The following MROH2A variants were observed in gnomAD, a reference collection of about 807,000 sequenced individuals.
MROH2A encodes the protein maestro heat like repeat family member 2A.
A neutral mutation model predicts 200.4 loss-of-function variants in MROH2A; 174 were observed. The ratio of observed to expected loss-of-function variants is 0.87; its 90% confidence interval spans 0.77 to 0.98. MROH2A has a LOEUF of 0.98. MROH2A is among the 50% of genes least tolerant of loss of function. The pLI is 0.00. For synonymous variants in MROH2A, 829 were observed against 840.4 expected (o/e 0.99, Z 0.23); for missense variants, 2,045 against 2,139.6 (o/e 0.96, Z 0.87).
intron 3 of MROH2A, among the ~76,000 whole-genome samples, chr2:233,787,980 TTATATATACATATATTA>T (rs1559437493): frequency 4.2e-4 from 22 of 52,104 alleles, no homozygotes; most frequent in South Asian, 5.5e-4. Context: ...TACATATATA[TTATATATACATATATTA>T]TATATATACA....
intron 35 of MROH2A, among the ~76,000 whole-genome samples, chr2:233,824,570 G>A (rs1704177538): frequency 6.6e-6 from 1 of 152,242 alleles, no homozygotes; most frequent in African/African-American, 2.4e-5. Context: ...GCCAGGCGCA[G>A]GTGCTGGAAT....
At position 233,828,483 on chromosome 2, in the gene MROH2A, T is replaced by TA. The variant is rs1704472022; in HGVS notation, c.4114-147_4114-146insA. On this transcript the variant is annotated intron_variant, in intron 35 of 41. Coordinates refer to ENST00000389758, the MANE Select transcript of MROH2A (RefSeq NM_001394639.1). The surrounding 1 kb of genome is among the most constrained non-coding windows in gnomAD (Gnocchi z 4.6). ...AGGCAGGTACTAGCATCACCCGCTT[T>TA]TTATAGAGAGGAAACGGAGGCTCTC... 2 of 990,960 alleles carry TA rather than the reference T, an allele frequency of 2.0e-6. No homozygotes were observed. Among genetic ancestry groups the TA allele is most frequent in the Non-Finnish European group, 2.9e-6 (2 of 682,452 alleles). The allele number at this position is 990,960 out of a possible 1,614,324, so 61.4% of individuals were successfully genotyped here. A position where few individuals can be genotyped will look rare whatever the true frequency, so the allele number is the denominator to read the frequency against.
chr2:233,825,632 A>G (rs180688822), intron 35 of MROH2A, among the ~76,000 whole-genome samples: 1 of 152,322 alleles, frequency 6.6e-6, no homozygotes, highest in Admixed American at 6.5e-5. Context: ...TGATTTACAT[A>G]TGTTGAACTA....
At chr2:233,808,138 G>A (rs1398331592) in intron 21 of MROH2A, among the ~76,000 whole-genome samples, 1 of 152,176 alleles carries the variant, frequency 6.6e-6, no homozygotes, top group African/African-American at 2.4e-5. Flanking sequence ...GGCAGTGGGG[G>A]CTCCCTGGGT....
chr2:233,804,018 G>C (rs1702638107), intron 16 of MROH2A, 33 bp from the exon 17 acceptor site: 1 of 1,547,072 alleles, frequency 6.5e-7, no homozygotes, highest in African/African-American at 1.4e-5. Flanking sequence ...AGGTGCTCAG[G>C]TGCTACTTCA....
chr2:233,804,666 C>T, intron 18 of MROH2A, 119 bp downstream of exon 18: 1 of 887,450 alleles, frequency 1.1e-6, no homozygotes, highest in Non-Finnish European at 1.8e-6. Flanking sequence ...ACATGTTCTC[C>T]TTCTGTCAGA....
In MROH2A at chr2:233,797,806, C is replaced by G. The variant is rs922235947; in HGVS notation, c.1253-968C>G. On this transcript the variant is annotated intron_variant, in intron 11 of 41. Coordinates refer to ENST00000389758, the MANE Select transcript of MROH2A (RefSeq NM_001394639.1). ...ATGTCCATGTGTTCTCACTGTTCAACTCCCACTTATGAGTGAGAACATGCA... is the reference window on the plus strand; with the variant it reads ...ATGTCCATGTGTTCTCACTGTTCAAGTCCCACTTATGAGTGAGAACATGCA... Among the ~76,000 whole-genome samples, 8 of 152,282 alleles carry G rather than the reference C, an allele frequency of 5.3e-5. No homozygotes were observed. In the East Asian group the frequency reaches 1.5e-3, roughly 29 times the overall value.
rs968348559 is a variant in MROH2A, at chr2:233,788,750, A to G, written c.277-747A>G. 6.6e-5 allele frequency among the ~76,000 whole-genome samples: 10 copies of G among 151,914 alleles called. No homozygotes were observed. The South Asian group carries it at 1.7e-3, about 25-fold the overall frequency. ...CAGGAGATGGAGACCATCTTGGCTA[A>G]CACGGTGAAACCCCGTCTCTACTAA... On this transcript the variant is annotated intron_variant, in intron 3 of 41. Coordinates refer to ENST00000389758, the MANE Select transcript of MROH2A (RefSeq NM_001394639.1).
intron 15 of MROH2A, 27 bp downstream of exon 15, chr2:233,802,342 T>C: frequency 6.5e-7 from 1 of 1,538,098 alleles, no homozygotes; most frequent in Non-Finnish European, 8.8e-7. Flanking sequence ...TCCAGCTGAT[T>C]GGATTGGGCA....
At chr2:233,794,237 A>G in intron 7 of MROH2A, 126 bp from the exon 8 acceptor site, 1 of 709,182 alleles carries the variant, frequency 1.4e-6, no homozygotes, top group Non-Finnish European at 2.4e-6. Flanking sequence ...TGTGCAGGAA[A>G]GACCTTGCTC....
intron 19 of MROH2A, among the ~76,000 whole-genome samples, chr2:233,805,601 A>C (rs1702741090): frequency 6.6e-6 from 1 of 151,946 alleles, no homozygotes; most frequent in Non-Finnish European, 1.5e-5. Flanking sequence ...TAGCCAACAA[A>C]ATTATGAGAA....
intron 26 of MROH2A, 38 bp downstream of exon 26, chr2:233,814,715 C>T: frequency 2.1e-6 from 3 of 1,413,600 alleles, no homozygotes; most frequent in South Asian, 1.2e-5. Flanking sequence ...CAGGGATGGC[C>T]ACTCCTCCCC....
chr2:233,810,941 G>T, intron 23 of MROH2A, 25 bp downstream of exon 23: 1 of 1,548,220 alleles, frequency 6.5e-7, no homozygotes, highest in South Asian at 1.2e-5. Flanking sequence ...GCACCTCCTT[G>T]GTCCTGTTCC....
chr2:233,823,621 ACTC>A lies in MROH2A; in HGVS notation c.4071_4073del (p.Asp1357_Ser1358delinsGlu), dbSNP rs762385004. 1.9e-5 allele frequency: 29 copies of A among 1,550,272 alleles called. 1 individual carries two copies. The South Asian group carries it at 3.5e-4, about 18-fold the overall frequency. On this transcript the variant is annotated inframe_deletion, in exon 35 of 42. Coordinates refer to ENST00000389758, the MANE Select transcript of MROH2A (RefSeq NM_001394639.1). ...GCCGAGCTGGTGCTCAGGGGCATGG[ACTC>A]AGAAGTCCTGAGCTGCCGCATCAGC... is the stretch of plus-strand genomic sequence containing the variant.
intron 5 of MROH2A, among the ~76,000 whole-genome samples, chr2:233,790,489 CTCCT>C (rs1383163567): frequency 9.0e-5 from 3 of 33,200 alleles, no homozygotes; most frequent in Non-Finnish European, 1.5e-4. Context: ...TCCTCCCTCC[CTCCT>C]TCCTTCCTTT....
At chr2:233,817,665 T>A (rs995161205) in intron 27 of MROH2A, among the ~76,000 whole-genome samples, 1 of 152,240 alleles carries the variant, frequency 6.6e-6, no homozygotes, top group African/African-American at 2.4e-5. Context: ...CTGCCTGGAC[T>A]GCTCAGCTAG....
intron 12 of MROH2A, 55 bp from the exon 13 acceptor site, chr2:233,799,725 G>T: frequency 1.3e-6 from 2 of 1,546,258 alleles, no homozygotes; most frequent in South Asian, 2.4e-5. Flanking sequence ...TCACAGGATT[G>T]GGTGCCTTGG....
chr2:233,793,002 A>G (rs1404495915), intron 6 of MROH2A, 108 bp downstream of exon 6: 2 of 1,077,594 alleles, frequency 1.9e-6, no homozygotes, highest in Non-Finnish European at 2.7e-6. Flanking sequence ...TGCACTGTTC[A>G]CTTGTTCTCC....
chr2:233,792,256 T>C (rs1437820675), intron 5 of MROH2A, among the ~76,000 whole-genome samples: 1 of 151,898 alleles, frequency 6.6e-6, no homozygotes, highest in Admixed American at 6.6e-5. Flanking sequence ...GTCCTCTCTC[T>C]TCTTCCCTTT....
Sources: gnomAD v4.1 joint callset for allele counts (sites outside exome capture counted in the v4.1 genomes callset) on GRCh38, gnomAD v4.1.1 for gene constraint, Gnocchi (gnomAD v3.1) non-coding constraint, MANE v1.5 for transcripts, NCBI Gene and HGNC (gene_info 2026-07-23, HGNC 2026-07-21) for gene names.